Variants in CCDC88A observed in about 807,000 individuals in gnomAD.
CCDC88A encodes coiled-coil and HOOK domain protein 88A.
Under a neutral mutation model 234.3 loss-of-function variants are expected in CCDC88A, and 54 were observed. The ratio of observed to expected loss-of-function variants is 0.23; its 90% CI spans 0.19 to 0.29. CCDC88A has a LOEUF of 0.29. Ranked by LOEUF, CCDC88A falls within the 10% of genes least tolerant of loss-of-function variation. The pLI is 1.00. For missense variants in CCDC88A, 1,832 were observed against 2,123.4 expected, an observed-to-expected ratio of 0.86 and a Z score of 2.70; for synonymous variants, 753 against 737.8, an observed-to-expected ratio of 1.02 and a Z score of -0.33.
chr2:55,346,163 T>C lies in CCDC88A; in HGVS notation c.1041+12A>G, dbSNP rs747553773. On this transcript the variant is annotated intron_variant, in intron 10 of 32. Transcript: ENST00000436346. The stretch of plus-strand genomic sequence containing the variant: ...GAAAAAAAAATCATGAATGGTTAAT[T>C]ATGCAACATACCTCAACTCTTGCCT... 1.9e-6 allele frequency: 3 copies of C among 1,570,764 alleles called. No homozygotes were observed. The highest frequency in any genetic ancestry group is 2.6e-6 in the Non-Finnish European group (3 of 1,156,952).
At chr2:55,300,086 T>G in intron 28 of CCDC88A, 167 bp from the exon 29 acceptor site, 2 of 576,720 alleles carry the variant, frequency 3.5e-6, no homozygotes, top group Non-Finnish European at 6.2e-6. Context: ...ATTGAGACAC[T>G]TTAGAATAGG....
chr2:55,365,936 T>C (rs1304985423), intron 5 of CCDC88A, among the ~76,000 whole-genome samples: 2 of 152,176 alleles, frequency 1.3e-5, no homozygotes, highest in Non-Finnish European at 2.9e-5. Flanking sequence ...GAAACTGAAA[T>C]TTTAATTTAA....
chr2:55,390,053 A>AAAAAAAAAAAAAAAAAG lies in CCDC88A; in HGVS notation c.165-1168_165-1167insCTTTTTTTTTTTTTTTT, dbSNP rs377022377. On this transcript the variant is annotated intron_variant, in intron 2 of 32. Coordinates refer to ENST00000436346, the MANE Select transcript of CCDC88A (RefSeq NM_001365480.1). ...GAGACTCAAAAAAAAAAAAAAATAAAAAATAAAGATAGAACATTTCAAAGT... is the reference window on the plus strand; with the variant it reads ...GAGACTCAAAAAAAAAAAAAAATAAAAAAAAAAAAAAAAAAAGAAATAAAGATAGAACATTTCAAAGT... Among the ~76,000 whole-genome samples the AAAAAAAAAAAAAAAAAG allele has an allele frequency of 5.0e-4, 40 of 79,762 alleles. 5 individuals carry two copies. The highest frequency in any genetic ancestry group is 8.1e-4 in the South Asian group (2 of 2,466). 52.3% of individuals were successfully genotyped at this position (79,762 alleles called of 152,430 possible).
At chr2:55,386,825 G>A (rs1675721570) in intron 3 of CCDC88A, among the ~76,000 whole-genome samples, 1 of 151,956 alleles carries the variant, frequency 6.6e-6, no homozygotes, top group African/African-American at 2.4e-5. Context: ...CCAAAAACAA[G>A]AGTGAAATAA....
intron 12 of CCDC88A, among the ~76,000 whole-genome samples, chr2:55,341,542 T>G (rs1470375918): frequency 6.6e-6 from 1 of 151,330 alleles, no homozygotes; most frequent in African/African-American, 2.4e-5. Flanking sequence ...CCTCACGGGT[T>G]CAAGAGGTTC....
In CCDC88A at chr2:55,317,105, G is replaced by A. The variant is rs1683082755; in HGVS notation, c.3746+101C>T. ...CAAAGGGGCAGTATATAGTTTGGAT[G>A]TAAGAAATAATACATAATTTTGAAA... On this transcript the variant is annotated intron_variant, in intron 21 of 32. Coordinates refer to ENST00000436346, the MANE Select transcript of CCDC88A (RefSeq NM_001365480.1). The surrounding 1 kb of genome is among the most constrained non-coding windows in gnomAD (Gnocchi z 4.2). 7.3e-6 allele frequency: 3 copies of A among 408,650 alleles called. No individual in the cohort carries two copies. Among genetic ancestry groups the A allele is most frequent in the Non-Finnish European group, 1.2e-5 (3 of 255,514 alleles). 25.3% of individuals were successfully genotyped at this position (408,650 alleles called of 1,614,324 possible). A position where few individuals can be genotyped will look rare whatever the true frequency, so the allele number is the denominator to read the frequency against.
In CCDC88A at chr2:55,287,961, A is replaced by G. The variant is rs1017438643; in HGVS notation, c.*3239T>C. 1.3e-5 allele frequency: 2 copies of G among 152,658 alleles called. No homozygotes were observed. The highest frequency in any genetic ancestry group is 2.9e-5 in the Non-Finnish European group (2 of 68,038). 9.5% of individuals were successfully genotyped at this position (152,658 alleles called of 1,614,324 possible). A position where few individuals can be genotyped will look rare whatever the true frequency, so the allele number is the denominator to read the frequency against. On this transcript the variant is annotated 3_prime_UTR_variant, in exon 33 of 33. Transcript: ENST00000436346. ...GAAAAATGTTTTTTAAAAAACAAAC[A>G]GTGGTATCTCTTGTCATGAGTTGGA...
intron 7 of CCDC88A, 176 bp from the exon 8 acceptor site, chr2:55,355,927 A>G (rs1334649980): frequency 2.1e-6 from 1 of 485,932 alleles, no homozygotes; most frequent in African/African-American, 2.0e-5. Context: ...CAGTTCATGC[A>G]TGGGCTACTT....
At chr2:55,319,116 T>A in intron 18 of CCDC88A, 112 bp from the exon 19 acceptor site, 1 of 805,306 alleles carries the variant, frequency 1.2e-6, no homozygotes, top group Non-Finnish European at 1.8e-6. Context: ...TTATAATCCA[T>A]AAAAGCCCCA....
At chr2:55,389,727 T>C (rs1417896354) in intron 2 of CCDC88A, among the ~76,000 whole-genome samples, 2 of 152,006 alleles carry the variant, frequency 1.3e-5, no homozygotes, top group African/African-American at 4.8e-5. Context: ...CTATCTTTAA[T>C]TAATACTTAG....
intron 15 of CCDC88A, among the ~76,000 whole-genome samples, 189 bp downstream of exon 15, chr2:55,333,905 A>G (rs1443782976): frequency 6.6e-6 from 1 of 152,068 alleles, no homozygotes; most frequent in Non-Finnish European, 1.5e-5. Flanking sequence ...TTTTAAAAAT[A>G]CAATTTATAG....
At chr2:55,322,479 C>T in intron 18 of CCDC88A, 49 bp downstream of exon 18, 1 of 1,054,362 alleles carries the variant, frequency 9.5e-7, no homozygotes, top group South Asian at 1.6e-5. Context: ...ATCCAGTGAT[C>T]CTCTATTTCT....
intron 12 of CCDC88A, among the ~76,000 whole-genome samples, chr2:55,341,493 G>A (rs1422993517): frequency 7.4e-5 from 11 of 148,272 alleles, no homozygotes; most frequent in African/African-American, 2.5e-4. Flanking sequence ...CACCTAGGCT[G>A]GAGTGCAATA....
chr2:55,418,689 A>C, intron 2 of CCDC88A, 127 bp downstream of exon 2: 1 of 697,394 alleles, frequency 1.4e-6, no homozygotes, highest in Non-Finnish European at 2.5e-6. Context: ...TTCAAGATCC[A>C]ATTCTTAAAC....
At chr2:55,362,820 T>C (rs925508232) in intron 6 of CCDC88A, among the ~76,000 whole-genome samples, 6 of 152,144 alleles carry the variant, frequency 3.9e-5, no homozygotes, top group Non-Finnish European at 8.8e-5. Context: ...AAAAGGTTTT[T>C]AATCTTGTAG....
At position 55,317,744 on chromosome 2, in the gene CCDC88A, G is replaced by A. The variant is rs550946433; in HGVS notation, c.3422C>T (p.Ser1141Phe). ...TAGGTCTTCTCGCTCTTTGATTACA[G>A]ATTCATTTTCATTTTCTAAGGAAGA... The part of the protein sequence containing the change: ...QQSSLENENE[S>F]VIKEREDLKS... The change falls in exon 20 of 33, where the codon TCT (serine) becomes TTT (phenylalanine). Residue 1141 changes from serine to phenylalanine, a missense_variant. Ser to Phe is a radical substitution (Grantham distance 155). This residue lies in a region of CCDC88A where 1,282 missense variants were observed against 1,543.6 expected (regional missense o/e 0.83). Transcript: ENST00000436346. This position sits in a 1 kb window ranked among gnomAD's most constrained non-coding sequence, Gnocchi z 4.2. 6 of 1,613,326 alleles carry A rather than the reference G, an allele frequency of 3.7e-6. No homozygotes were observed. Among genetic ancestry groups the A allele is most frequent in the African/African-American group, 2.7e-5 (2 of 74,978 alleles).
intron 8 of CCDC88A, chr2:55,349,848 C>A: frequency 3.2e-6 from 1 of 311,694 alleles, no homozygotes; most frequent in Non-Finnish European, 5.7e-6. Flanking sequence ...CAGTTTTTCT[C>A]TTTCTCTCTT....
At chr2:55,293,616 C>A (rs1679691270) in intron 31 of CCDC88A, 1 of 151,578 alleles carries the variant, frequency 6.6e-6, no homozygotes. Context: ...CTTAATACAA[C>A]AACAACAACA....
chr2:55,318,747 T>C (rs1683261100), intron 19 of CCDC88A, 96 bp downstream of exon 19: 1 of 969,452 alleles, frequency 1.0e-6, no homozygotes, highest in Admixed American at 2.6e-5. Flanking sequence ...TTTAAGTTCA[T>C]TCACTAAGAA....
Sources: gnomAD v4.1 joint callset for allele counts (sites outside exome capture counted in the v4.1 genomes callset) on GRCh38, gnomAD v4.1.1 for gene constraint, gnomAD v4.1.1 regional missense constraint, Gnocchi (gnomAD v3.1) non-coding constraint, MANE v1.5 for transcripts, NCBI Gene and HGNC (gene_info 2026-07-23, HGNC 2026-07-21) for gene names.